Variants in CDH13 observed in about 807,000 individuals in gnomAD.
CDH13 encodes the protein cadherin-13.
A neutral mutation model predicts 63.8 loss-of-function variants in CDH13; 24 were observed. The observed-to-expected ratio is 0.38, with a 90% CI of 0.27 to 0.53. The LOEUF (loss-of-function observed/expected upper bound fraction) is 0.53. CDH13 is among the 20% of genes least tolerant of loss of function. The probability of loss-of-function intolerance (pLI) is 0.85; values close to 1 mark genes in which losing one functional copy is unlikely to be tolerated. For synonymous variants in CDH13, 503 were observed against 355.3 expected (o/e 1.42, Z -4.67); for missense variants, 1,049 against 903.1 (o/e 1.16, Z -2.07).
intron 5 of CDH13, among the ~76,000 whole-genome samples, chr16:83,298,348 A>G (rs1035366330): frequency 3.3e-5 from 5 of 152,152 alleles, no homozygotes; most frequent in Non-Finnish European, 7.3e-5. Flanking sequence ...TTTTCTTAGA[A>G]TGAAACCAAG....
chr16:83,258,738 G>T (rs979822114), intron 5 of CDH13, among the ~76,000 whole-genome samples: 1 of 152,210 alleles, frequency 6.6e-6, no homozygotes, highest in Non-Finnish European at 1.5e-5. Flanking sequence ...GTATGTGCGC[G>T]TTGTGGTGTC....
chr16:83,215,544 G>A (rs2039472460), intron 4 of CDH13, among the ~76,000 whole-genome samples: 1 of 151,278 alleles, frequency 6.6e-6, no homozygotes, highest in African/African-American at 2.4e-5. Flanking sequence ...CCTGCCAGAT[G>A]AACCCTGGCG....
chr16:83,314,726 G>A (rs1431556014), intron 5 of CDH13, among the ~76,000 whole-genome samples: 1 of 152,176 alleles, frequency 6.6e-6, no homozygotes, highest in Non-Finnish European at 1.5e-5. Context: ...CGATTTTACT[G>A]ATTTCATGGG....
intron 1 of CDH13, among the ~76,000 whole-genome samples, chr16:82,695,968 A>C (rs1448184015): frequency 6.6e-6 from 1 of 152,192 alleles, no homozygotes; most frequent in Non-Finnish European, 1.5e-5. Context: ...ATCTACACAC[A>C]TTTATCAATT....
intron 2 of CDH13, among the ~76,000 whole-genome samples, chr16:82,958,839 A>G (rs1206715544): frequency 1.3e-5 from 2 of 152,276 alleles, no homozygotes; most frequent in African/African-American, 4.8e-5. Flanking sequence ...CTTCAAGTGC[A>G]TTCACCTGGG....
intron 5 of CDH13, among the ~76,000 whole-genome samples, chr16:83,220,056 C>A (rs1346819285): frequency 6.6e-6 from 1 of 152,190 alleles, no homozygotes; most frequent in African/African-American, 2.4e-5. Context: ...TTACTTACGA[C>A]TGGCAGACTG....
chr16:82,673,545 A>G (rs1325101392), intron 1 of CDH13, among the ~76,000 whole-genome samples: 1 of 152,238 alleles, frequency 6.6e-6, no homozygotes, highest in African/African-American at 2.4e-5. Flanking sequence ...CCTCACAGGT[A>G]TTAGATGAGC....
rs562274653 is a variant in CDH13 at position 83,372,626 on chromosome 16, A to G, written c.781+27620A>G. Among the ~76,000 whole-genome samples the G allele has an allele frequency of 1.4e-3, 209 of 151,790 alleles. 1 individual carries two copies. Among genetic ancestry groups the G allele is most frequent in the African/African-American group, 4.8e-3 (200 of 41,392 alleles). Reference sequence around the variant, plus strand: ...AATTTACTGGGTGTGGTGGCATGCAACTGTAGTCCCAGCTACTCGGGAGGC... The same window carrying G: ...AATTTACTGGGTGTGGTGGCATGCAGCTGTAGTCCCAGCTACTCGGGAGGC... On this transcript the variant is annotated intron_variant, in intron 6 of 13. Transcript: ENST00000567109.
chr16:83,589,835 A>G (rs972000696), intron 7 of CDH13, among the ~76,000 whole-genome samples: 2 of 152,132 alleles, frequency 1.3e-5, no homozygotes, highest in Admixed American at 6.5e-5. Context: ...CTGGGAAGAC[A>G]AACCTTCATG....
At chr16:83,768,573 T>C (rs1438343746) in intron 11 of CDH13, among the ~76,000 whole-genome samples, 1 of 152,186 alleles carries the variant, frequency 6.6e-6, no homozygotes, top group Non-Finnish European at 1.5e-5. Context: ...AAAGCAAGTT[T>C]ATTAGGAAAG....
chr16:83,439,149 A>G (rs1046353393), intron 6 of CDH13, among the ~76,000 whole-genome samples: 4 of 152,236 alleles, frequency 2.6e-5, no homozygotes, highest in Non-Finnish European at 5.9e-5. Context: ...CAACTTTAAA[A>G]TCAGAGTAAT....
At chr16:82,672,166 C>T (rs8056521) in intron 1 of CDH13, among the ~76,000 whole-genome samples, 75,347 of 152,142 alleles carry the variant, frequency 0.5, 18,804 homozygotes, top group East Asian at 0.6. Context: ...GCAAGGTATA[C>T]CTCTTAAGGC....
intron 2 of CDH13, among the ~76,000 whole-genome samples, chr16:82,919,979 G>C (rs556837776): frequency 5.9e-5 from 9 of 152,338 alleles, no homozygotes; most frequent in African/African-American, 1.7e-4. Context: ...TTGATAGAAA[G>C]AGTAATATCG....
intron 6 of CDH13, among the ~76,000 whole-genome samples, chr16:83,367,538 T>C (rs914736208): frequency 7.2e-5 from 11 of 152,218 alleles, no homozygotes; most frequent in African/African-American, 2.4e-4. Context: ...AGTTATAAAG[T>C]GACTCTGTGT....
At chr16:83,539,773 C>G (rs141922221) in intron 7 of CDH13, among the ~76,000 whole-genome samples, 1 of 152,122 alleles carries the variant, frequency 6.6e-6, no homozygotes, top group Admixed American at 6.5e-5. Context: ...CAAGGTCATG[C>G]GAATAGGTTA....
intron 2 of CDH13, among the ~76,000 whole-genome samples, chr16:82,950,324 T>G (rs1487904398): frequency 2.0e-5 from 3 of 152,074 alleles, no homozygotes; most frequent in Admixed American, 2.0e-4. Flanking sequence ...AGTCCAAATC[T>G]CCCATTTTTT....
chr16:82,999,300 T>C (rs931316672), intron 2 of CDH13, among the ~76,000 whole-genome samples: 1 of 152,154 alleles, frequency 6.6e-6, no homozygotes, highest in East Asian at 1.9e-4. Context: ...CAACTGTTGG[T>C]GCACATAACC....
chr16:83,697,529 C>T (rs1206876502), intron 10 of CDH13, among the ~76,000 whole-genome samples: 1 of 152,174 alleles, frequency 6.6e-6, no homozygotes, highest in Non-Finnish European at 1.5e-5. Context: ...TAGTGATCAA[C>T]TGTATACGTT....
At chr16:82,637,609 T>A (rs1908831070) in intron 1 of CDH13, 1 of 150,252 alleles carries the variant, frequency 6.7e-6, no homozygotes, top group African/African-American at 2.4e-5. Flanking sequence ...TTTTTTTTTT[T>A]TGTATTTTTA....
Sources: allele counts gnomAD v4.1 joint callset (sites outside exome capture counted in the v4.1 genomes callset), GRCh38; gene constraint gnomAD v4.1.1; transcripts MANE v1.5; gene names NCBI Gene and HGNC (gene_info 2026-07-23, HGNC 2026-07-21).